KCNH8: variants seen among roughly 807,000 people sequenced by gnomAD.
KCNH8 encodes potassium voltage-gated channel subfamily H member 8.
KCNH8 carries 70 observed loss-of-function variants against 103.6 expected under a neutral mutation model. The observed-to-expected ratio is 0.68, with a 90% CI of 0.56 to 0.82. KCNH8 has a LOEUF of 0.82. Ranked by LOEUF, KCNH8 falls within the 40% of genes least tolerant of loss-of-function variation. The pLI, the probability that KCNH8 is intolerant of heterozygous loss-of-function variation, is 0.00. For missense variants in KCNH8, 1,217 were observed against 1,329.9 expected, an observed-to-expected ratio of 0.92 and a Z score of 1.32; for synonymous variants, 498 against 489.4, an observed-to-expected ratio of 1.02 and a Z score of -0.23.
intron 1 of KCNH8, among the ~76,000 whole-genome samples, chr3:19,161,467 C>T (rs898291459): frequency 6.6e-6 from 1 of 152,124 alleles, no homozygotes; most frequent in African/African-American, 2.4e-5. Flanking sequence ...AAGAATGAAG[C>T]ACCAGTGATT....
At chr3:19,317,638 A>T (rs2065290794) in intron 3 of KCNH8, among the ~76,000 whole-genome samples, 2 of 151,924 alleles carry the variant, frequency 1.3e-5, no homozygotes, top group East Asian at 3.9e-4. Context: ...TTAAGTAGGT[A>T]GTTGTAAGTC....
chr3:19,499,755 C>A (rs1196499810), intron 11 of KCNH8, among the ~76,000 whole-genome samples: 2 of 152,004 alleles, frequency 1.3e-5, no homozygotes, highest in African/African-American at 2.4e-5. Context: ...TTTTTGTCAC[C>A]ACCAGGCCTG....
chr3:19,279,302 A>G (rs1046265509), intron 2 of KCNH8, among the ~76,000 whole-genome samples: 1 of 152,154 alleles, frequency 6.6e-6, no homozygotes, highest in Non-Finnish European at 1.5e-5. Flanking sequence ...AGGCTTCTCC[A>G]TGAATCACAA....
At chr3:19,280,715 C>T (rs544471789) in intron 2 of KCNH8, among the ~76,000 whole-genome samples, 7 of 152,152 alleles carry the variant, frequency 4.6e-5, no homozygotes, top group Non-Finnish European at 8.8e-5. Context: ...AGTGGCTGTG[C>T]ACGCTCCCCA....
At chr3:19,187,346 ATATC>A (rs2063512349) in intron 1 of KCNH8, among the ~76,000 whole-genome samples, 2 of 152,116 alleles carry the variant, frequency 1.3e-5, no homozygotes, top group East Asian at 1.9e-4. Context: ...GTGTACATAC[ATATC>A]TATCTATGCA....
intron 1 of KCNH8, among the ~76,000 whole-genome samples, chr3:19,224,036 T>C (rs1400401568): frequency 6.6e-6 from 1 of 152,158 alleles, no homozygotes; most frequent in Non-Finnish European, 1.5e-5. Context: ...CTTATACTGA[T>C]TTGTGCTTCC....
rs114031620 is a variant in KCNH8, at chr3:19,484,556, C to T, written c.2041-25807C>T. On this transcript the variant is annotated intron_variant, in intron 11 of 15. Transcript: ENST00000328405. ...TCAGAGTCACTTTGCAGGGCTTGTC[C>T]AGGCTCGGTTTTGTCTCCTAGTTTT... 9.7e-3 allele frequency among the ~76,000 whole-genome samples: 1,474 copies of T among 152,256 alleles called. 9 individuals are homozygous for T. Among genetic ancestry groups the T allele is most frequent in the South Asian group, 0.016 (77 of 4,816 alleles).
intron 7 of KCNH8, among the ~76,000 whole-genome samples, chr3:19,420,849 C>A (rs2066940414): frequency 6.6e-6 from 1 of 152,088 alleles, no homozygotes; most frequent in African/African-American, 2.4e-5. Context: ...ATTTTATTGG[C>A]AACTGAGGAT....
intron 3 of KCNH8, among the ~76,000 whole-genome samples, chr3:19,337,397 T>C (rs950022646): frequency 2.0e-5 from 3 of 152,078 alleles, no homozygotes; most frequent in African/African-American, 7.2e-5. Flanking sequence ...ATCATAACTT[T>C]AATTTTTTTC....
intron 15 of KCNH8, among the ~76,000 whole-genome samples, chr3:19,521,134 AAGGTTTGT>A (rs1418315174): frequency 1.3e-5 from 2 of 151,936 alleles, no homozygotes; most frequent in Non-Finnish European, 2.9e-5. Context: ...CACTTCTGAA[AAGGTTTGT>A]AGGTGAAGGT....
intron 3 of KCNH8, among the ~76,000 whole-genome samples, chr3:19,320,699 G>A (rs1013329410): frequency 6.6e-6 from 1 of 152,022 alleles, no homozygotes; most frequent in East Asian, 1.9e-4. Flanking sequence ...CTTATAGAAT[G>A]ATTTAGGGAG....
At chr3:19,486,874 C>T (rs1373370304) in intron 11 of KCNH8, among the ~76,000 whole-genome samples, 1 of 152,186 alleles carries the variant, frequency 6.6e-6, no homozygotes, top group African/African-American at 2.4e-5. Context: ...TTCCTGACTC[C>T]AGGCTGCGCT....
intron 3 of KCNH8, among the ~76,000 whole-genome samples, chr3:19,326,945 T>C (rs918538619): frequency 6.6e-6 from 1 of 152,336 alleles, no homozygotes; most frequent in East Asian, 1.9e-4. Context: ...AAGGACTTCA[T>C]TGATATATCT....
chr3:19,339,587 T>G (rs530406822), intron 3 of KCNH8, among the ~76,000 whole-genome samples: 1 of 152,282 alleles, frequency 6.6e-6, no homozygotes, highest in Non-Finnish European at 1.5e-5. Context: ...AGCCACAAGT[T>G]TTTAAAAAGT....
intron 2 of KCNH8, among the ~76,000 whole-genome samples, chr3:19,262,024 T>A (rs2064443291): frequency 6.6e-6 from 1 of 151,900 alleles, no homozygotes; most frequent in African/African-American, 2.4e-5. Context: ...TATAATATAA[T>A]TTTAAATCAG....
chr3:19,389,149 A>G (rs772585339), intron 5 of KCNH8, among the ~76,000 whole-genome samples: 28 of 152,314 alleles, frequency 1.8e-4, no homozygotes, highest in Non-Finnish European at 2.6e-4. Flanking sequence ...ATTGCTGCAT[A>G]GCAAACTTAT....
intron 3 of KCNH8, among the ~76,000 whole-genome samples, chr3:19,303,757 T>C (rs957564945): frequency 6.6e-6 from 1 of 152,136 alleles, no homozygotes; most frequent in African/African-American, 2.4e-5. Context: ...CAGAATGCTC[T>C]TGAGATGAGT....
At chr3:19,497,498 C>A (rs1015100044) in intron 11 of KCNH8, among the ~76,000 whole-genome samples, 3 of 151,766 alleles carry the variant, frequency 2.0e-5, no homozygotes, top group Admixed American at 6.6e-5. Flanking sequence ...AGTTTATTTA[C>A]GTAAAACTCA....
intron 1 of KCNH8, among the ~76,000 whole-genome samples, chr3:19,224,355 G>A (rs187617932): frequency 6.6e-6 from 1 of 152,166 alleles, no homozygotes; most frequent in East Asian, 1.9e-4. Flanking sequence ...AAGCCTGTGG[G>A]AAATTAGTCT....
Sources: gnomAD v4.1 joint callset for allele counts (sites outside exome capture counted in the v4.1 genomes callset) on GRCh38, gnomAD v4.1.1 for gene constraint, MANE v1.5 for transcripts, NCBI Gene and HGNC (gene_info 2026-07-23, HGNC 2026-07-21) for gene names.